Variants in NEO1 observed in about 807,000 individuals in gnomAD.
NEO1 encodes neogenin.
Under a neutral mutation model 159.7 loss-of-function variants are expected in NEO1, and 63 were observed. The ratio of observed to expected loss-of-function variants is 0.39; its 90% CI spans 0.32 to 0.49. NEO1 has a LOEUF of 0.49. Among genes scored for constraint, NEO1 ranks in the 20% least tolerant of loss-of-function variants. NEO1 has a pLI of 0.85. For missense variants in NEO1, 1,615 were observed against 1,831.0 expected (o/e 0.88, Z 2.15); for synonymous variants, 633 against 662.0 (o/e 0.96, Z 0.67).
intron 7 of NEO1, among the ~76,000 whole-genome samples, chr15:73,222,347 G>A (rs926779003): frequency 4.2e-4 from 64 of 151,586 alleles, no homozygotes; most frequent in African/African-American, 1.4e-3. Context: ...CTCGTGATCC[G>A]CCCGCCTCAG....
chr15:73,202,895 C>T lies in NEO1; in HGVS notation c.1291+24468C>T, dbSNP rs74847263. 8.6e-3 allele frequency among the ~76,000 whole-genome samples: 1,305 copies of T among 152,258 alleles called. 22 individuals are homozygous for T. The highest frequency in any genetic ancestry group is 0.03 in the African/African-American group (1,233 of 41,534). On this transcript the variant is annotated intron_variant, in intron 7 of 28. Coordinates refer to ENST00000261908, the MANE Select transcript of NEO1 (RefSeq NM_002499.4). ...ACAGTATTTATCTGTTTGTGACTGG[C>T]TTATTTCACTTACCATAATATCCTC...
At chr15:73,189,359 C>T (rs780492265) in intron 7 of NEO1, among the ~76,000 whole-genome samples, 3 of 152,100 alleles carry the variant, frequency 2.0e-5, no homozygotes, top group Non-Finnish European at 2.9e-5. Context: ...CTGCAAATAC[C>T]GTATTTTTTG....
At chr15:73,269,919 T>C in intron 16 of NEO1, 91 bp from the exon 17 acceptor site, 1 of 992,338 alleles carries the variant, frequency 1.0e-6, no homozygotes, top group African/African-American at 1.6e-5. Flanking sequence ...TTCTCACCTT[T>C]CATTCCATTA....
intron 7 of NEO1, among the ~76,000 whole-genome samples, chr15:73,185,022 A>G (rs1049362019): frequency 2.6e-5 from 4 of 152,234 alleles, no homozygotes; most frequent in Non-Finnish European, 5.9e-5. Flanking sequence ...ACCAAGTGAA[A>G]GAAGCCAATT....
intron 10 of NEO1, 61 bp downstream of exon 10, chr15:73,249,269 C>A: frequency 6.5e-7 from 1 of 1,549,916 alleles, no homozygotes; most frequent in Non-Finnish European, 8.8e-7. Flanking sequence ...AATATATTTC[C>A]AAAACTCAGT....
At chr15:73,113,531 C>T (rs2071122554) in intron 1 of NEO1, among the ~76,000 whole-genome samples, 1 of 152,162 alleles carries the variant, frequency 6.6e-6, no homozygotes, top group African/African-American at 2.4e-5. Context: ...AACATGGCCA[C>T]ATCTGTTGGA....
At chr15:73,087,531 G>A (rs1399973285) in intron 1 of NEO1, among the ~76,000 whole-genome samples, 5 of 152,222 alleles carry the variant, frequency 3.3e-5, no homozygotes, top group African/African-American at 1.2e-4. Context: ...GTTGGGACAT[G>A]TTCCTTCCTT....
chr15:73,107,869 G>A (rs1355106259), intron 1 of NEO1, among the ~76,000 whole-genome samples: 2 of 152,214 alleles, frequency 1.3e-5, no homozygotes, highest in Non-Finnish European at 1.5e-5. Context: ...CTGGCCACCA[G>A]TATTAAAAAG....
At chr15:73,082,952 T>A (rs1387280799) in intron 1 of NEO1, among the ~76,000 whole-genome samples, 1 of 152,186 alleles carries the variant, frequency 6.6e-6, no homozygotes, top group Admixed American at 6.5e-5. Flanking sequence ...AATGTGTGTC[T>A]GTATCCCTTT....
intron 1 of NEO1, among the ~76,000 whole-genome samples, chr15:73,070,676 A>C (rs554652920): frequency 6.6e-6 from 1 of 152,196 alleles, no homozygotes; most frequent in Non-Finnish European, 1.5e-5. Context: ...TTCCCTGTAC[A>C]TACATATGGC....
rs552723580 is a variant in NEO1 at position 73,258,078 on chromosome 15, G to C, written c.2093-688G>C. On this transcript the variant is annotated intron_variant, in intron 13 of 28. Coordinates refer to ENST00000261908, the MANE Select transcript of NEO1 (RefSeq NM_002499.4). Reference sequence around the variant, plus strand: ...GCCAAGTTATGTTCTCAGTACTGTTGCCCTGGTTTGTAGAATAGACTTTTC... The same window carrying C: ...GCCAAGTTATGTTCTCAGTACTGTTCCCCTGGTTTGTAGAATAGACTTTTC... 1.5e-4 allele frequency among the ~76,000 whole-genome samples: 23 copies of C among 152,260 alleles called. No homozygotes were observed. In the South Asian group the frequency reaches 2.9e-3, roughly 19 times the overall value.
intron 5 of NEO1, among the ~76,000 whole-genome samples, chr15:73,153,573 T>C (rs532577018): frequency 3.3e-5 from 5 of 152,320 alleles, no homozygotes; most frequent in African/African-American, 4.8e-5. Context: ...GAAAAAATAA[T>C]GTAAGCAAGT....
chr15:73,247,844 A>G (rs2039876077), intron 9 of NEO1, among the ~76,000 whole-genome samples: 1 of 152,190 alleles, frequency 6.6e-6, no homozygotes, highest in Non-Finnish European at 1.5e-5. Context: ...TAATACAGTA[A>G]AAGGGTAGGT....
chr15:73,182,339 C>T (rs943139330), intron 7 of NEO1, among the ~76,000 whole-genome samples: 2 of 152,000 alleles, frequency 1.3e-5, no homozygotes, highest in African/African-American at 4.8e-5. Context: ...GAGGGCAGAT[C>T]AAAGTGGAAG....
chr15:73,253,215 C>T (rs903966137), intron 11 of NEO1, among the ~76,000 whole-genome samples, 185 bp from the exon 12 acceptor site: 12 of 152,130 alleles, frequency 7.9e-5, no homozygotes, highest in Admixed American at 7.2e-4. Flanking sequence ...AAAATTGAAC[C>T]AGGCATGGCT....
chr15:73,238,271 G>GTTTTTTTTT, intron 8 of NEO1, among the ~76,000 whole-genome samples: 1 of 38,848 alleles, frequency 2.6e-5, no homozygotes, highest in Non-Finnish European at 4.3e-5. Flanking sequence ...TTTAGTTTGG[G>GTTTTTTTTT]TTTTTTTTTT....
intron 3 of NEO1, among the ~76,000 whole-genome samples, chr15:73,123,163 A>C (rs2071771556): frequency 6.6e-6 from 1 of 152,098 alleles, no homozygotes; most frequent in African/African-American, 2.4e-5. Context: ...TCTCAAAAAA[A>C]AAAAAAAGAG....
At chr15:73,285,154 C>T (rs891434003) in intron 23 of NEO1, among the ~76,000 whole-genome samples, 9 of 152,112 alleles carry the variant, frequency 5.9e-5, no homozygotes, top group Non-Finnish European at 8.8e-5. Flanking sequence ...GGATTTTGGT[C>T]TGTCACCCAG....
intron 4 of NEO1, among the ~76,000 whole-genome samples, chr15:73,135,381 C>T (rs982661015): frequency 6.6e-6 from 1 of 152,150 alleles, no homozygotes; most frequent in African/African-American, 2.4e-5. Flanking sequence ...CCTCTCTCTC[C>T]TAGATAAGCT....
Sources: gnomAD v4.1 joint callset for allele counts (sites outside exome capture counted in the v4.1 genomes callset) on GRCh38, gnomAD v4.1.1 for gene constraint, MANE v1.5 for transcripts, NCBI Gene and HGNC (gene_info 2026-07-23, HGNC 2026-07-21) for gene names.